COG6: variants seen among roughly 807,000 people sequenced by gnomAD.
The protein encoded by COG6 is conserved oligomeric Golgi complex subunit 6.
COG6 carries 74 observed loss-of-function variants against 88.8 expected under a neutral mutation model. The ratio of observed to expected loss-of-function variants is 0.83; its 90% confidence interval spans 0.69 to 1.01. The LOEUF is 1.01. COG6 is among the 50% of genes least tolerant of loss of function. COG6 has a pLI of 0.00. For synonymous variants in COG6, 286 were observed against 278.7 expected (o/e 1.03, Z -0.26); for missense variants, 800 against 797.9 (o/e 1.00, Z -0.03).
Position 39,752,444 on chromosome 13 carries a change from C to A in COG6, c.*1351C>A. On this transcript the variant is annotated 3_prime_UTR_variant, in exon 19 of 19. Transcript: ENST00000455146. ...TAAATCTGTATTTTTAGTTTTTTCC[C>A]TTTGATTAGTATGTGTTACATATAA... 9.4e-7 allele frequency: 1 copy of A among 1,063,676 alleles called. No individual in the cohort carries two copies. Among genetic ancestry groups the A allele is most frequent in the South Asian group, 1.5e-5 (1 of 68,044 alleles). The allele number at this position is 1,063,676 out of a possible 1,614,324, so 65.9% of individuals were successfully genotyped here. A position where few individuals can be genotyped will look rare whatever the true frequency, so the allele number is the denominator to read the frequency against.
At chr13:39,696,133 A>G (rs1443436187) in intron 12 of COG6, among the ~76,000 whole-genome samples, 2 of 149,598 alleles carry the variant, frequency 1.3e-5, no homozygotes, top group Non-Finnish European at 3.0e-5. Context: ...ATCTTTGAAG[A>G]TGATATTGAA....
At chr13:39,767,890 G>A (rs541973983) in intron 18 of COG6, among the ~76,000 whole-genome samples, 1 of 152,288 alleles carries the variant, frequency 6.6e-6, no homozygotes, top group Non-Finnish European at 1.5e-5. Flanking sequence ...CTAAACTGGA[G>A]CTTTGATTTT....
At chr13:39,684,946 G>A (rs899160392) in intron 8 of COG6, among the ~76,000 whole-genome samples, 1 of 152,104 alleles carries the variant, frequency 6.6e-6, no homozygotes, top group South Asian at 2.1e-4. Context: ...TAAATGAAGT[G>A]AAAAAATTTG....
At chr13:39,728,675 C>CT (rs879320337) in intron 18 of COG6, among the ~76,000 whole-genome samples, 323 of 145,066 alleles carry the variant, frequency 2.2e-3, no homozygotes, top group African/African-American at 5.6e-3. Context: ...GTAGGTGCTT[C>CT]TTTTTTTTTT....
chr13:39,790,045 G>A (rs1210038387), exon 19 of COG6: 2 of 152,028 alleles, frequency 1.3e-5, no homozygotes, highest in East Asian at 3.9e-4. Flanking sequence ...TAACCAGGTA[G>A]GTTATATTGA....
chr13:39,776,330 T>C (rs1881462709), intron 18 of COG6, among the ~76,000 whole-genome samples: 1 of 152,156 alleles, frequency 6.6e-6, no homozygotes, highest in Non-Finnish European at 1.5e-5. Context: ...ACCAATTTTA[T>C]CCAAAGAATA....
At position 39,728,544 on chromosome 13, in the gene COG6, AT is replaced by A. The variant is rs1022679885; in HGVS notation, c.1826+1005del. Among the ~76,000 whole-genome samples the A allele has an allele frequency of 2.2e-4, 33 of 150,652 alleles. No individual in the cohort carries two copies. The East Asian group carries it at 2.3e-3, about 11-fold the overall frequency. On this transcript the variant is annotated intron_variant, in intron 18 of 18. Transcript: ENST00000455146. ...TGAGTGACTAGAGTAAATGAATTTA[AT>A]TTTTTTTTGTGACCTTTATATTGTA...
intron 5 of COG6, 113 bp from the exon 6 acceptor site, chr13:39,679,425 G>A (rs947180110): frequency 1.4e-6 from 1 of 724,202 alleles, no homozygotes; most frequent in Non-Finnish European, 2.6e-6. Context: ...GTATAGGAAG[G>A]CTTCCCTAAA....
chr13:39,721,411 A>G (rs934119291), intron 15 of COG6, among the ~76,000 whole-genome samples: 6 of 152,060 alleles, frequency 3.9e-5, no homozygotes, highest in African/African-American at 1.2e-4. Flanking sequence ...TCCTGGCAGC[A>G]TTTTCAGTAA....
At chr13:39,701,301 G>A (rs984913821) in intron 13 of COG6, among the ~76,000 whole-genome samples, 2 of 151,858 alleles carry the variant, frequency 1.3e-5, no homozygotes, top group Admixed American at 6.6e-5. Context: ...TATCATCTAA[G>A]TTAGATAAGT....
chr13:39,679,475 C>T, intron 5 of COG6, 63 bp from the exon 6 acceptor site: 1 of 910,828 alleles, frequency 1.1e-6, no homozygotes, highest in Non-Finnish European at 1.9e-6. Context: ...AGTGACCTTT[C>T]AGTTTTAAAT....
downstream of COG6, among the ~76,000 whole-genome samples, chr13:39,753,982 C>G (rs1335688611): frequency 6.6e-6 from 1 of 152,144 alleles, no homozygotes; most frequent in Non-Finnish European, 1.5e-5. Flanking sequence ...TTCATCAGTG[C>G]TATATGTTGT....
chr13:39,681,792 C>G (rs1015987336), intron 7 of COG6, among the ~76,000 whole-genome samples: 1 of 152,088 alleles, frequency 6.6e-6, no homozygotes, highest in Non-Finnish European at 1.5e-5. Context: ...AAGATTGCTT[C>G]CCAGCGAAGG....
intron 3 of COG6, among the ~76,000 whole-genome samples, chr13:39,662,189 G>A (rs1224410986): frequency 7.4e-6 from 1 of 135,662 alleles, no homozygotes; most frequent in Non-Finnish European, 1.5e-5. Flanking sequence ...ATCCTTAGTG[G>A]CGTGATCTCG....
intron 18 of COG6, among the ~76,000 whole-genome samples, chr13:39,767,941 A>G (rs1300834908): frequency 1.3e-5 from 2 of 152,174 alleles, no homozygotes; most frequent in Non-Finnish European, 2.9e-5. Flanking sequence ...ACTTGGTTAC[A>G]TTTAGTCAGT....
intron 18 of COG6, among the ~76,000 whole-genome samples, chr13:39,750,695 G>C (rs976635469): frequency 1.3e-5 from 2 of 152,026 alleles, no homozygotes; most frequent in Non-Finnish European, 2.9e-5. Context: ...TATATATCAG[G>C]AACAAAACAC....
At chr13:39,702,677 T>G (rs1372587014) in intron 13 of COG6, among the ~76,000 whole-genome samples, 1 of 152,010 alleles carries the variant, frequency 6.6e-6, no homozygotes, top group African/African-American at 2.4e-5. Context: ...TACTTTTAAA[T>G]AATAACCACG....
chr13:39,679,695 G>T, intron 6 of COG6, 75 bp downstream of exon 6: 1 of 895,684 alleles, frequency 1.1e-6, no homozygotes, highest in Admixed American at 1.7e-5. Flanking sequence ...TAGATTGTTT[G>T]TGAACTATAT....
At chr13:39,691,284 CTT>C (rs1353027070) in intron 11 of COG6, among the ~76,000 whole-genome samples, 2 of 151,772 alleles carry the variant, frequency 1.3e-5, no homozygotes, top group Non-Finnish European at 2.9e-5. Context: ...TGTATAAAGA[CTT>C]TATATACTGA....
Sources: allele counts gnomAD v4.1 joint callset (sites outside exome capture counted in the v4.1 genomes callset), GRCh38; gene constraint gnomAD v4.1.1; transcripts MANE v1.5; gene names NCBI Gene and HGNC (gene_info 2026-07-23, HGNC 2026-07-21).